Variants in KMT2C observed in about 807,000 individuals in gnomAD.
The protein encoded by KMT2C is lysine methyltransferase 2C, also known as histone-lysine N-methyltransferase 2C.
In KMT2C, 88 loss-of-function variants were observed where a neutral mutation model predicts 507.9. The ratio of observed to expected loss-of-function variants is 0.17; its 90% CI spans 0.15 to 0.21. KMT2C has a LOEUF of 0.21. Among genes scored for constraint, KMT2C ranks in the 10% least tolerant of loss-of-function variants. The probability of loss-of-function intolerance (pLI) is 1.00; values close to 1 mark genes in which losing one functional copy is unlikely to be tolerated. For synonymous variants in KMT2C, 2,049 were observed against 2,080.8 expected, an observed-to-expected ratio of 0.98 and a Z score of 0.42; for missense variants, 4,954 against 5,957.8, an observed-to-expected ratio of 0.83 and a Z score of 5.55.
chr7:152,305,062 T>G (rs62495468), intron 6 of KMT2C, among the ~76,000 whole-genome samples: 1 of 152,174 alleles, frequency 6.6e-6, no homozygotes, highest in Non-Finnish European at 1.5e-5. Flanking sequence ...TTTGGGTACT[T>G]AGAACTTATT....
At chr7:152,240,992 T>C (rs562675397) in intron 14 of KMT2C, among the ~76,000 whole-genome samples, 5 of 152,298 alleles carry the variant, frequency 3.3e-5, no homozygotes, top group South Asian at 4.1e-4. Flanking sequence ...AAACCTTCAA[T>C]TGCTTCTCAG....
rs2129137318 is a variant in KMT2C at position 152,205,165 on chromosome 7, G to C, written c.3902C>G (p.Ser1301Cys). 6.2e-7 allele frequency: 1 copy of C among 1,610,502 alleles called. No individual in the cohort carries two copies. Among genetic ancestry groups the C allele is most frequent in the Non-Finnish European group, 8.5e-7 (1 of 1,177,450 alleles). The stretch of plus-strand genomic sequence containing the variant: ...GCCTGAGGAATCTTTTCTGATCACA[G>C]ATCTTTTGGTTTTCCCTTGCCCAGT... ...SRTGQGKTKRSVIRKDSSGSI... is the reference protein window; with the variant it reads ...SRTGQGKTKRCVIRKDSSGSI... The change falls in exon 25 of 59, where the codon TCT (serine) becomes TGT (cysteine). Residue 1301 changes from serine to cysteine, a missense_variant. By Grantham distance (112) the Ser-to-Cys change is moderately radical. Transcript: ENST00000262189.
chr7:152,369,639 C>A (rs144627951), intron 1 of KMT2C, among the ~76,000 whole-genome samples: 3 of 152,168 alleles, frequency 2.0e-5, no homozygotes, highest in Non-Finnish European at 4.4e-5. Flanking sequence ...AGAAGTGAAC[C>A]CACAAGAGTA....
chr7:152,229,445 T>C (rs2095039524), intron 18 of KMT2C, among the ~76,000 whole-genome samples: 1 of 152,224 alleles, frequency 6.6e-6, no homozygotes, highest in Non-Finnish European at 1.5e-5. Flanking sequence ...TGAGCAGCGC[T>C]GACTCTCGAT....
At chr7:152,425,374 G>C (rs574196960) in intron 1 of KMT2C, among the ~76,000 whole-genome samples, 1 of 152,122 alleles carries the variant, frequency 6.6e-6, no homozygotes. Flanking sequence ...TCAGAAGTTC[G>C]AGACCAGCCT....
Position 152,169,258 on chromosome 7 carries a change from A to G in KMT2C, c.9454-9T>C. ...TGTGTTATACTGCCATCCTAAAATA[A>G]GTAAAATTTACAAATATGTTTATTC... On this transcript the variant is annotated splice_polypyrimidine_tract_variant and intron_variant, in intron 40 of 58. Coordinates refer to ENST00000262189, the MANE Select transcript of KMT2C (RefSeq NM_170606.3). The G allele has an allele frequency of 6.5e-7, 1 of 1,535,270 alleles. No homozygotes were observed. The highest frequency in any genetic ancestry group is 9.0e-7 in the Non-Finnish European group (1 of 1,109,234).
In KMT2C at chr7:152,135,934, G is replaced by C. The variant is rs1379644218; in HGVS notation, c.*898C>G. The C allele has an allele frequency of 4.4e-6, 1 of 229,538 alleles. No homozygotes were observed. Among genetic ancestry groups the C allele is most frequent in the Non-Finnish European group, 8.6e-6 (1 of 115,668 alleles). The allele number at this position is 229,538 out of a possible 1,614,324, so 14.2% of individuals were successfully genotyped here. A position where few individuals can be genotyped will look rare whatever the true frequency, so the allele number is the denominator to read the frequency against. ...ATTTTGGTTATTACATAATTATAAT[G>C]GCATATTTTATAACACAAAATTATA... On this transcript the variant is annotated 3_prime_UTR_variant, in exon 59 of 59. Transcript: ENST00000262189.
At chr7:152,358,506 T>C (rs2097170396) in intron 2 of KMT2C, 81 bp downstream of exon 2, 3 of 888,846 alleles carry the variant, frequency 3.4e-6, no homozygotes, top group South Asian at 3.2e-5. Context: ...CACAGAATAT[T>C]GTTATACAAA....
chr7:152,215,723 T>TAC (rs138045665), intron 23 of KMT2C, among the ~76,000 whole-genome samples: 3,066 of 135,930 alleles, frequency 0.023, 51 homozygotes, highest in Middle Eastern at 0.061. Context: ...TATATATATA[T>TAC]ACACACACAC....
intron 7 of KMT2C, among the ~76,000 whole-genome samples, chr7:152,272,769 C>G (rs1467361356): frequency 6.6e-6 from 1 of 151,996 alleles, no homozygotes. Flanking sequence ...TGGTACTCAA[C>G]AAAGAAAAGG....
Position 152,162,825 on chromosome 7 carries a change from T to A in KMT2C, c.10752A>T (p.Gly3584=). The stretch of plus-strand genomic sequence containing the variant: ...ACAACTGAATGAGCGATTGGGTTGA[T>A]CCCGGATAACTGTGTCCATGGGTTA... The part of the protein sequence containing the change: ...STITHGHSYP[G]STQSLIQLYS... Residue 3584 remains glycine (G), a synonymous_variant, in exon 43 of 59, where the codon GGA becomes GGT. Transcript: ENST00000262189. The A allele has an allele frequency of 6.2e-7, 1 of 1,614,198 alleles. No homozygotes were observed. The highest frequency in any genetic ancestry group is 8.5e-7 in the Non-Finnish European group (1 of 1,180,032).
Position 152,176,856 on chromosome 7 carries a change from T to C in KMT2C, c.8597A>G (p.Glu2866Gly). The C allele has an allele frequency of 6.2e-7, 1 of 1,614,202 alleles. No homozygotes were observed. The highest frequency in any genetic ancestry group is 8.5e-7 in the Non-Finnish European group (1 of 1,180,032). ...ASAHSDLNDG[E>G]KTSLHPCDPD... ...ATCACAAGGATGCAAAGAAGTCTTT[T>C]CTCCATCATTTAGGTCTGAGTGAGC... Residue 2866 changes from glutamate to glycine, a missense_variant, in exon 38 of 59, where the codon GAA becomes GGA. Around this residue, in one of 29 missense-constraint regions of KMT2C, gnomAD observed 1,689 missense variants for 1,654.3 expected, o/e 1.02. Coordinates refer to ENST00000262189, the MANE Select transcript of KMT2C (RefSeq NM_170606.3).
At chr7:152,281,524 G>A (rs1729849090) in intron 6 of KMT2C, among the ~76,000 whole-genome samples, 1 of 152,162 alleles carries the variant, frequency 6.6e-6, no homozygotes, top group Admixed American at 6.5e-5. Context: ...CTGAGGTCAG[G>A]AGTTTGAGAC....
In KMT2C at chr7:152,220,603, T is replaced by C; in HGVS notation, c.3632A>G (p.Gln1211Arg). Residue 1211 changes from glutamine (Q) to arginine (R), a missense_variant, in exon 23 of 59, where the codon CAG becomes CGG. By Grantham distance (43) the Gln-to-Arg change is conservative. Transcript: ENST00000262189. Reference sequence around the variant, plus strand: ...GGTCTGAAGGACGGCCACGCTATTCTGATTTATAATCTTCAATTTCAATTT... The same window carrying C: ...GGTCTGAAGGACGGCCACGCTATTCCGATTTATAATCTTCAATTTCAATTT... ...KPKLKLKIIN[Q>R]NSVAVLQTPP... 4 of 1,611,988 alleles carry C rather than the reference T, an allele frequency of 2.5e-6. No individual in the cohort carries two copies. Among genetic ancestry groups the C allele is most frequent in the Non-Finnish European group, 3.4e-6 (4 of 1,179,808 alleles).
chr7:152,257,477 C>T (rs765086593), intron 9 of KMT2C, among the ~76,000 whole-genome samples: 1 of 152,028 alleles, frequency 6.6e-6, no homozygotes, highest in Non-Finnish European at 1.5e-5. Context: ...CTAATATCTT[C>T]TATATTTAAA....
chr7:152,249,799 A>C, intron 13 of KMT2C, 77 bp downstream of exon 13: 1 of 823,924 alleles, frequency 1.2e-6, no homozygotes, highest in Non-Finnish European at 2.1e-6. Flanking sequence ...TACATACAGC[A>C]ATCGCAAAAA....
chr7:152,415,862 AGTGTAAGACT>A (rs1182911821), intron 1 of KMT2C, among the ~76,000 whole-genome samples: 2 of 151,892 alleles, frequency 1.3e-5, no homozygotes, highest in Admixed American at 6.5e-5. Context: ...CCTGGGCAAC[AGTGTAAGACT>A]CAGGTCTCAA....
chr7:152,353,206 C>T (rs978286258), intron 2 of KMT2C, among the ~76,000 whole-genome samples: 3 of 151,934 alleles, frequency 2.0e-5, no homozygotes, highest in East Asian at 1.9e-4. Context: ...AGGTGGATCA[C>T]GAGGTCAGGA....
At position 152,226,220 on chromosome 7, in the gene KMT2C, T is replaced by A. The variant is rs1360255812; in HGVS notation, c.2977-1604A>T. Among the ~76,000 whole-genome samples the A allele has an allele frequency of 5.1e-3, 399 of 78,734 alleles. 17 individuals are homozygous for A. Among genetic ancestry groups the A allele is most frequent in the African/African-American group, 0.021 (376 of 18,112 alleles). 51.7% of individuals were successfully genotyped at this position (78,734 alleles called of 152,430 possible). On this transcript the variant is annotated intron_variant, in intron 18 of 58. Transcript: ENST00000262189. ...AGAGTTGGTTGTTCATTACAAGGCC[T>A]TTTTTTTTTTTTTTTTTTTTTTTTT... is the stretch of plus-strand genomic sequence containing the variant.
Sources: allele counts gnomAD v4.1 joint callset (sites outside exome capture counted in the v4.1 genomes callset), GRCh38; gene constraint gnomAD v4.1.1; regional missense constraint gnomAD v4.1.1; transcripts MANE v1.5; gene names NCBI Gene and HGNC (gene_info 2026-07-23, HGNC 2026-07-21).